CAMTA1: variants seen among roughly 807,000 people sequenced by gnomAD.
CAMTA1 encodes the protein calmodulin binding transcription activator 1.
A neutral mutation model predicts 170.9 loss-of-function variants in CAMTA1; 27 were observed. That is an observed-to-expected ratio of 0.16 (90% CI 0.12 to 0.22). The LOEUF (loss-of-function observed/expected upper bound fraction) is 0.22, where lower values mean the gene tolerates loss of function less well. Among genes scored for constraint, CAMTA1 ranks in the 10% least tolerant of loss-of-function variants. The probability of loss-of-function intolerance (pLI) is 1.00; values close to 1 mark genes in which losing one functional copy is unlikely to be tolerated. For missense variants in CAMTA1, 1,619 were observed against 2,217.2 expected (o/e 0.73, Z 5.42); for synonymous variants, 833 against 891.5 (o/e 0.93, Z 1.17).
At chr1:6,895,846 T>A (rs987271003) in intron 3 of CAMTA1, among the ~76,000 whole-genome samples, 3 of 115,014 alleles carry the variant, frequency 2.6e-5, no homozygotes, top group Admixed American at 1.2e-4. Flanking sequence ...GGCAGTGTGG[T>A]TTTTTTCGTA....
At chr1:7,303,012 CTG>C (rs1460478486) in intron 5 of CAMTA1, among the ~76,000 whole-genome samples, 1 of 152,160 alleles carries the variant, frequency 6.6e-6, no homozygotes, top group Non-Finnish European at 1.5e-5. Flanking sequence ...TGTAATCTCT[CTG>C]TGTCTGTGTC....
chr1:7,427,193 C>T (rs2091910050), intron 5 of CAMTA1, among the ~76,000 whole-genome samples: 2 of 152,300 alleles, frequency 1.3e-5, no homozygotes, highest in Non-Finnish European at 2.9e-5. Context: ...AAAATTAATG[C>T]TGCGATGACA....
rs2096659715 is a variant in CAMTA1 at position 7,723,045 on chromosome 1, A to G, written c.2915-9403A>G. Among the ~76,000 whole-genome samples, 3 of 152,294 alleles carry G rather than the reference A, an allele frequency of 2.0e-5. No individual in the cohort carries two copies. The South Asian group carries it at 6.2e-4, about 32-fold the overall frequency. On this transcript the variant is annotated intron_variant, in intron 11 of 22. Coordinates refer to ENST00000303635, the MANE Select transcript of CAMTA1 (RefSeq NM_015215.4). The stretch of plus-strand genomic sequence containing the variant: ...GGTAGATATATACATATATACGTAT[A>G]TTTCCTAGCTTTCCCATCGAGAAGG...
intron 5 of CAMTA1, among the ~76,000 whole-genome samples, chr1:7,392,815 A>G (rs2088870464): frequency 6.6e-6 from 1 of 152,038 alleles, no homozygotes; most frequent in African/African-American, 2.4e-5. Flanking sequence ...CAGAGATTGC[A>G]GTGAGCCGAG....
At chr1:6,933,825 G>A (rs1330382800) in intron 3 of CAMTA1, among the ~76,000 whole-genome samples, 1 of 152,074 alleles carries the variant, frequency 6.6e-6, no homozygotes, top group African/African-American at 2.4e-5. Flanking sequence ...TAATTGATCC[G>A]GTGGTCTGTC....
intron 3 of CAMTA1, among the ~76,000 whole-genome samples, chr1:7,026,350 G>GT (rs564596377): frequency 6.8e-6 from 1 of 146,170 alleles, no homozygotes; most frequent in African/African-American, 2.8e-5. Context: ...TATATGTCCA[G>GT]GGGGGGAGTC....
chr1:7,579,552 C>CTTTCTTTCTTTTTTTTTT (rs1436192966), intron 6 of CAMTA1, among the ~76,000 whole-genome samples: 14 of 79,198 alleles, frequency 1.8e-4, no homozygotes, highest in African/African-American at 8.3e-4. Context: ...CTTTTCTTTT[C>CTTTCTTTCTTTTTTTTTT]TTTTTTTTTT....
intron 6 of CAMTA1, among the ~76,000 whole-genome samples, chr1:7,496,178 G>A (rs1397285635): frequency 6.6e-6 from 1 of 152,198 alleles, no homozygotes; most frequent in Non-Finnish European, 1.5e-5. Context: ...CCTCACACAG[G>A]CAGTCTGAAT....
chr1:7,397,710 T>G (rs1017612657), intron 5 of CAMTA1, among the ~76,000 whole-genome samples: 19 of 152,130 alleles, frequency 1.2e-4, no homozygotes, highest in African/African-American at 4.6e-4. Context: ...CATTTTTAAT[T>G]TGTCCCAAGA....
rs74051097 is a variant in CAMTA1, at chr1:7,044,816, C to G, written c.235-46488C>G. Among the ~76,000 whole-genome samples the G allele has an allele frequency of 2.0e-4, 30 of 151,380 alleles. No homozygotes were observed. Among genetic ancestry groups the G allele is most frequent in the Non-Finnish European group, 1.5e-4 (10 of 67,854 alleles). On this transcript the variant is annotated intron_variant, in intron 3 of 22. Coordinates refer to ENST00000303635, the MANE Select transcript of CAMTA1 (RefSeq NM_015215.4). The surrounding 1 kb of genome is among the most constrained non-coding windows in gnomAD (Gnocchi z 5.0). The stretch of plus-strand genomic sequence containing the variant: ...CTCACGTCCTCTCCCCCACTCCCTC[C>G]TCTTCCCGCCTGTGGTTTTCTTTCC...
chr1:7,648,406 G>A (rs1417620035), intron 7 of CAMTA1, among the ~76,000 whole-genome samples: 2 of 149,362 alleles, frequency 1.3e-5, no homozygotes, highest in African/African-American at 5.0e-5. Context: ...AAAAAAAAAA[G>A]AGAGAGAGAA....
chr1:7,263,744 T>G (rs1668507192), intron 5 of CAMTA1, among the ~76,000 whole-genome samples: 1 of 152,158 alleles, frequency 6.6e-6, no homozygotes, highest in African/African-American at 2.4e-5. Flanking sequence ...ATCAGAGCTA[T>G]TTACATCTGG....
At chr1:6,979,989 A>T (rs1384443858) in intron 3 of CAMTA1, among the ~76,000 whole-genome samples, 2 of 152,118 alleles carry the variant, frequency 1.3e-5, no homozygotes, top group African/African-American at 4.8e-5. Context: ...TGGGACATAG[A>T]AAAACGCACC....
rs58707261 is a variant in CAMTA1, at chr1:7,171,022, G to A, written c.303-78469G>A. ...CTTATTTTTCCTGATTTTAGTTTCA[G>A]TTTGACCTATACTGAGAAAAGTGCC... is the stretch of plus-strand genomic sequence containing the variant. On this transcript the variant is annotated intron_variant, in intron 4 of 22. Transcript: ENST00000303635. Among the ~76,000 whole-genome samples, 303 of 152,228 alleles carry A rather than the reference G, an allele frequency of 2.0e-3. 1 individual carries two copies. Among genetic ancestry groups the A allele is most frequent in the African/African-American group, 6.9e-3 (286 of 41,534 alleles).
chr1:7,639,261 A>G (rs536500194), intron 6 of CAMTA1, among the ~76,000 whole-genome samples: 9 of 152,142 alleles, frequency 5.9e-5, no homozygotes, highest in African/African-American at 2.2e-4. Context: ...TTACAGGCAT[A>G]AGCCACCACG....
In CAMTA1 at chr1:7,443,243, T is replaced by A. The variant is rs1278188810; in HGVS notation, c.439-24587T>A. The stretch of plus-strand genomic sequence containing the variant: ...TATGATGATCTGCATGAAGTCCATT[T>A]CCCCACTTTCGTGGGGTACAGTCCC... On this transcript the variant is annotated intron_variant, in intron 5 of 22. Coordinates refer to ENST00000303635, the MANE Select transcript of CAMTA1 (RefSeq NM_015215.4). This position sits in a 1 kb window ranked among gnomAD's most constrained non-coding sequence, Gnocchi z 4.1. 6.6e-6 allele frequency among the ~76,000 whole-genome samples: 1 copy of A among 152,202 alleles called. No individual in the cohort carries two copies. Among genetic ancestry groups the A allele is most frequent in the Non-Finnish European group, 1.5e-5 (1 of 68,030 alleles).
Position 7,681,836 on chromosome 1 carries a change from G to A in CAMTA1, c.2914+4103G>A, listed in dbSNP as rs992659735. On this transcript the variant is annotated intron_variant, in intron 11 of 22. Coordinates refer to ENST00000303635, the MANE Select transcript of CAMTA1 (RefSeq NM_015215.4). The surrounding 1 kb of genome is among the most constrained non-coding windows in gnomAD (Gnocchi z 4.6). Reference sequence around the variant, plus strand: ...AGCCCTGGAGCTGAGGGGATGGGGCGGGCCCTCTTCTGGCCAAGGACACTG... The same window carrying A: ...AGCCCTGGAGCTGAGGGGATGGGGCAGGCCCTCTTCTGGCCAAGGACACTG... Among the ~76,000 whole-genome samples the A allele has an allele frequency of 3.9e-5, 6 of 152,160 alleles. No homozygotes were observed. The highest frequency in any genetic ancestry group is 7.4e-5 in the Non-Finnish European group (5 of 68,020).
chr1:7,389,207 GCC>G (rs1203343232), intron 5 of CAMTA1: 1 of 152,594 alleles, frequency 6.6e-6, no homozygotes, highest in East Asian at 1.9e-4. Context: ...CTAGCCTGTT[GCC>G]CCCAGCTCCA....
intron 3 of CAMTA1, among the ~76,000 whole-genome samples, chr1:6,888,599 G>A (rs1428371569): frequency 6.6e-6 from 1 of 152,162 alleles, no homozygotes; most frequent in East Asian, 1.9e-4. Flanking sequence ...TTTTGGCATC[G>A]AGTAAACAAG....
Sources: gnomAD v4.1 joint callset for allele counts (sites outside exome capture counted in the v4.1 genomes callset) on GRCh38, gnomAD v4.1.1 for gene constraint, Gnocchi (gnomAD v3.1) non-coding constraint, MANE v1.5 for transcripts, NCBI Gene and HGNC (gene_info 2026-07-23, HGNC 2026-07-21) for gene names.